Variants in ITPR1 observed in about 807,000 individuals in gnomAD.
ITPR1 encodes inositol 1,4,5-trisphosphate-gated calcium channel ITPR1.
Under a neutral mutation model 318.4 loss-of-function variants are expected in ITPR1, and 96 were observed. The observed-to-expected ratio is 0.30, with a 90% CI of 0.26 to 0.36. ITPR1 has a LOEUF of 0.36. Among genes scored for constraint, ITPR1 ranks in the 10% least tolerant of loss-of-function variants. The pLI, the probability that ITPR1 is intolerant of heterozygous loss-of-function variation, is 1.00. For synonymous variants in ITPR1, 1,312 were observed against 1,289.9 expected, an observed-to-expected ratio of 1.02 and a Z score of -0.37; for missense variants, 2,440 against 3,460.2, an observed-to-expected ratio of 0.71 and a Z score of 7.40.
In ITPR1 at chr3:4,522,654, A is replaced by G. The variant is rs144470800; in HGVS notation, c.163+1560A>G. 1.2e-4 allele frequency among the ~76,000 whole-genome samples: 19 copies of G among 152,346 alleles called. 1 individual carries two copies. The highest frequency in any genetic ancestry group is 4.3e-4 in the African/African-American group (18 of 41,564). Reference sequence around the variant, plus strand: ...TCATGTTTCCTTCCAAGACAAGACAAAATCTTGAGTGCTGCAAAAATGAAA... The same window carrying G: ...TCATGTTTCCTTCCAAGACAAGACAGAATCTTGAGTGCTGCAAAAATGAAA... On this transcript the variant is annotated intron_variant, in intron 4 of 61. Transcript: ENST00000649015.
chr3:4,843,834 G>A (rs2051553525), intron 61 of ITPR1, among the ~76,000 whole-genome samples: 1 of 152,126 alleles, frequency 6.6e-6, no homozygotes, highest in Non-Finnish European at 1.5e-5. Context: ...AGGAAGCCAG[G>A]CCACCAACTG....
intron 4 of ITPR1, among the ~76,000 whole-genome samples, chr3:4,544,090 A>G (rs2084733869): frequency 6.6e-6 from 1 of 152,150 alleles, no homozygotes; most frequent in Admixed American, 6.6e-5. Context: ...TGCTCCTAGC[A>G]GTCTACTTTT....
chr3:4,754,495 C>T (rs1168527884), intron 44 of ITPR1, among the ~76,000 whole-genome samples: 1 of 152,200 alleles, frequency 6.6e-6, no homozygotes, highest in Non-Finnish European at 1.5e-5. Context: ...GAGAGTTTCA[C>T]AAGAGCCACC....
rs1405142042 is a variant in ITPR1 at position 4,711,754 on chromosome 3, C to T, written c.4992-3C>T. ...AGTAATCCGTGGTTTTCCCCCCATT[C>T]AGGTTAATAAAGCATACAAAACAGC... On this transcript the variant is annotated splice_region_variant and splice_polypyrimidine_tract_variant and intron_variant, in intron 38 of 61. Coordinates refer to ENST00000649015, the MANE Select transcript of ITPR1 (RefSeq NM_001378452.1). 3 of 1,497,196 alleles carry T rather than the reference C, an allele frequency of 2.0e-6. No homozygotes were observed. The highest frequency in any genetic ancestry group is 2.7e-6 in the Non-Finnish European group (3 of 1,097,104). The allele number at this position is 1,497,196 out of a possible 1,614,324, so 92.7% of individuals were successfully genotyped here.
chr3:4,706,371 G>T lies in ITPR1; in HGVS notation c.4842+20G>T. 2 of 1,588,276 alleles carry T rather than the reference G, an allele frequency of 1.3e-6. No homozygotes were observed. Among genetic ancestry groups the T allele is most frequent in the Non-Finnish European group, 8.6e-7 (1 of 1,164,068 alleles). On this transcript the variant is annotated intron_variant, in intron 37 of 61. Transcript: ENST00000649015. ...TTGCAGGTAATGCCTGGTGTTGAGA[G>T]AAGTGATGCTTAGCCTGGCCTCACG... is the stretch of plus-strand genomic sequence containing the variant.
chr3:4,527,787 G>A (rs1188274850), intron 4 of ITPR1, among the ~76,000 whole-genome samples: 3 of 152,158 alleles, frequency 2.0e-5, no homozygotes, highest in Admixed American at 1.3e-4. Flanking sequence ...GATCACACTT[G>A]TGGCCTTTTT....
At chr3:4,718,933 T>C (rs969212509) in intron 40 of ITPR1, among the ~76,000 whole-genome samples, 2 of 152,214 alleles carry the variant, frequency 1.3e-5, no homozygotes, top group Non-Finnish European at 2.9e-5. Context: ...TGATTTAAAT[T>C]TTTCCTCTGA....
At position 4,795,111 on chromosome 3, in the gene ITPR1, C is replaced by T; in HGVS notation, c.6855C>T (p.Ser2285=). The stretch of plus-strand genomic sequence containing the variant: ...GTGCCCGCAACATGTCTTTCTGGAG[C>T]AGCATTTCGTTTAACCTGGCCGTCC... The part of the protein sequence containing the change: ...YWCARNMSFW[S]SISFNLAVLM... The change falls in exon 53 of 62, where the codon AGC becomes AGT. Residue 2285 remains serine (S), a synonymous_variant. Coordinates refer to ENST00000649015, the MANE Select transcript of ITPR1 (RefSeq NM_001378452.1). 1 of 1,613,848 alleles carries T rather than the reference C, an allele frequency of 6.2e-7. No individual in the cohort carries two copies. The highest frequency in any genetic ancestry group is 1.7e-5 in the Admixed American group (1 of 60,012).
chr3:4,650,182 C>A (rs1485654100), intron 10 of ITPR1, among the ~76,000 whole-genome samples: 1 of 152,188 alleles, frequency 6.6e-6, no homozygotes, highest in African/African-American at 2.4e-5. Context: ...AAGTCATCTG[C>A]TGCTATGAAC....
chr3:4,625,626 G>A (rs746704390), intron 4 of ITPR1, among the ~76,000 whole-genome samples: 2 of 151,644 alleles, frequency 1.3e-5, no homozygotes, highest in East Asian at 1.9e-4. Flanking sequence ...GTGTGATCTC[G>A]GCTCACTGCA....
intron 4 of ITPR1, among the ~76,000 whole-genome samples, chr3:4,559,167 T>G (rs2086434323): frequency 1.3e-5 from 2 of 150,878 alleles, no homozygotes; most frequent in African/African-American, 2.4e-5. Flanking sequence ...AAAAGTTGTT[T>G]TTTTTTTTTA....
intron 4 of ITPR1, among the ~76,000 whole-genome samples, chr3:4,586,280 G>T (rs1284229050): frequency 6.6e-6 from 1 of 152,110 alleles, no homozygotes; most frequent in African/African-American, 2.4e-5. Context: ...TGTTCTGAAA[G>T]CTTTACCCGT....
At chr3:4,502,801 G>A (rs943565502) in intron 2 of ITPR1, among the ~76,000 whole-genome samples, 8 of 151,990 alleles carry the variant, frequency 5.3e-5, no homozygotes, top group Admixed American at 3.9e-4. Flanking sequence ...AAGCCTTACA[G>A]CCAGGCATCG....
intron 44 of ITPR1, among the ~76,000 whole-genome samples, chr3:4,744,495 G>C (rs1263822308): frequency 2.6e-5 from 4 of 152,228 alleles, no homozygotes; most frequent in South Asian, 4.1e-4. Flanking sequence ...TGTGTTTGTA[G>C]ATAAAGTTTT....
intron 4 of ITPR1, among the ~76,000 whole-genome samples, chr3:4,549,973 C>T (rs2085395002): frequency 6.6e-6 from 1 of 152,172 alleles, no homozygotes; most frequent in African/African-American, 2.4e-5. Context: ...AAAAACAAAA[C>T]AAGATTTTCT....
intron 61 of ITPR1, among the ~76,000 whole-genome samples, chr3:4,841,287 G>A (rs1466895872): frequency 6.6e-6 from 1 of 152,186 alleles, no homozygotes; most frequent in Admixed American, 6.5e-5. Context: ...TAGTGGTCCT[G>A]TGTGAAGTTT....
chr3:4,500,398 C>T (rs756416159), intron 2 of ITPR1, among the ~76,000 whole-genome samples: 4 of 151,864 alleles, frequency 2.6e-5, no homozygotes, highest in African/African-American at 7.3e-5. Context: ...GACGGGATCT[C>T]GCCATGTTGT....
At chr3:4,678,791 C>T (rs1348170737) in intron 24 of ITPR1, among the ~76,000 whole-genome samples, 2 of 152,126 alleles carry the variant, frequency 1.3e-5, no homozygotes, top group African/African-American at 4.8e-5. Flanking sequence ...ATGGAGCAGC[C>T]TGAAGCCGAG....
At chr3:4,713,537 G>A (rs1254361031) in intron 39 of ITPR1, among the ~76,000 whole-genome samples, 2 of 152,180 alleles carry the variant, frequency 1.3e-5, no homozygotes, top group Non-Finnish European at 2.9e-5. Context: ...TTGAGGCTAT[G>A]TGGAAGGTGT....
Sources: allele counts gnomAD v4.1 joint callset (sites outside exome capture counted in the v4.1 genomes callset), GRCh38; gene constraint gnomAD v4.1.1; transcripts MANE v1.5; gene names NCBI Gene and HGNC (gene_info 2026-07-23, HGNC 2026-07-21).